The following TACR3 variants were observed in gnomAD, a reference collection of about 807,000 sequenced individuals.
TACR3 encodes tachykinin receptor 3, also known as neuromedin-K receptor.
A neutral mutation model predicts 35.0 loss-of-function variants in TACR3; 34 were observed. The observed-to-expected ratio is 0.97, with a 90% CI of 0.74 to 1.30. The LOEUF is 1.30. Among genes scored for constraint, TACR3 ranks in the 50% most tolerant of loss-of-function variants. The pLI is 0.00. For missense variants in TACR3, 558 were observed against 591.7 expected (o/e 0.94, Z 0.59); for synonymous variants, 233 against 221.1 (o/e 1.05, Z -0.48).
At position 103,605,602 on chromosome 4, in the gene TACR3, G is replaced by A. The variant is rs549882377; in HGVS notation, c.889-13919C>T. ...AGTGATGATGAACATTTTTTCATGT[G>A]TTTTTTGGCTGCATAAATGTCTTCT... On this transcript the variant is annotated intron_variant, in intron 3 of 4. Transcript: ENST00000304883. Among the ~76,000 whole-genome samples the A allele has an allele frequency of 6.9e-3, 1,054 of 151,994 alleles. 4 individuals are homozygous for A. Among genetic ancestry groups the A allele is most frequent in the Admixed American group, 0.011 (162 of 15,254 alleles).
chr4:103,591,102 T>C (rs563615181), intron 4 of TACR3: 5 of 270,302 alleles, frequency 1.8e-5, no homozygotes, highest in East Asian at 9.5e-5. Context: ...CTCCATCTTA[T>C]AGAAATTATT....
intron 1 of TACR3, among the ~76,000 whole-genome samples, chr4:103,687,916 C>T (rs1407719332): frequency 1.3e-5 from 2 of 152,052 alleles, no homozygotes; most frequent in East Asian, 1.9e-4. Context: ...TCATATGGAA[C>T]CAAAAAAGAG....
In TACR3 at chr4:103,586,430, C is replaced by T. The variant is rs1407647769; in HGVS notation, c.*3252G>A. On this transcript the variant is annotated 3_prime_UTR_variant, in exon 5 of 5. Coordinates refer to ENST00000304883, the MANE Select transcript of TACR3 (RefSeq NM_001059.3). ...AGTGTGAGAAATGTTTGTAAGTCTC[C>T]TGCTTTTCTATTTGATGAAATAGTT... The T allele has an allele frequency of 6.6e-6, 1 of 151,922 alleles. No individual in the cohort carries two copies. Among genetic ancestry groups the T allele is most frequent in the Non-Finnish European group, 1.5e-5 (1 of 67,974 alleles). The allele number at this position is 151,922 out of a possible 1,614,324, so 9.4% of individuals were successfully genotyped here. A position where few individuals can be genotyped will look rare whatever the true frequency, so the allele number is the denominator to read the frequency against.
At chr4:103,615,959 T>C (rs1364165809) in intron 3 of TACR3, among the ~76,000 whole-genome samples, 1 of 152,206 alleles carries the variant, frequency 6.6e-6, no homozygotes, top group African/African-American at 2.4e-5. Flanking sequence ...GAAAGAGTAA[T>C]ATCCTCTGCT....
chr4:103,623,184 T>C (rs1724821273), intron 3 of TACR3, among the ~76,000 whole-genome samples: 1 of 152,120 alleles, frequency 6.6e-6, no homozygotes, highest in South Asian at 2.1e-4. Context: ...GAAGAAGATT[T>C]AAAATAAATA....
At chr4:103,633,476 C>T (rs527490592) in intron 3 of TACR3, among the ~76,000 whole-genome samples, 6 of 151,928 alleles carry the variant, frequency 3.9e-5, no homozygotes, top group African/African-American at 1.2e-4. Flanking sequence ...TAAGTAAATT[C>T]TTTAGTGGAG....
At chr4:103,713,555 G>A (rs1013454727) in intron 1 of TACR3, among the ~76,000 whole-genome samples, 6 of 151,526 alleles carry the variant, frequency 4.0e-5, no homozygotes, top group African/African-American at 1.5e-4. Context: ...ACAGCAACAT[G>A]GCACATGTAT....
At chr4:103,636,736 TA>T (rs1467080353) in intron 3 of TACR3, among the ~76,000 whole-genome samples, 1 of 151,802 alleles carries the variant, frequency 6.6e-6, no homozygotes, top group Non-Finnish European at 1.5e-5. Flanking sequence ...ATAGACGCAA[TA>T]AAAAATGATA....
At chr4:103,716,222 TG>T (rs1723087994) in intron 1 of TACR3, among the ~76,000 whole-genome samples, 1 of 130,332 alleles carries the variant, frequency 7.7e-6, no homozygotes, top group Non-Finnish European at 1.5e-5. Context: ...ATCTTGTGTG[TG>T]TGTGTGTGTG....
At chr4:103,661,099 T>C (rs1432122193) in intron 1 of TACR3, among the ~76,000 whole-genome samples, 1 of 152,026 alleles carries the variant, frequency 6.6e-6, no homozygotes, top group African/African-American at 2.4e-5. Context: ...AGATTATAGA[T>C]TTTGAATATA....
intron 1 of TACR3, among the ~76,000 whole-genome samples, chr4:103,675,831 C>T (rs975376056): frequency 1.3e-5 from 2 of 151,896 alleles, no homozygotes; most frequent in Admixed American, 6.6e-5. Flanking sequence ...TGGTGCAATC[C>T]ACACAGGTAT....
intron 1 of TACR3, among the ~76,000 whole-genome samples, chr4:103,698,954 A>T (rs1486718883): frequency 1.3e-5 from 2 of 152,190 alleles, no homozygotes; most frequent in Admixed American, 1.3e-4. Context: ...ATTAAAAATT[A>T]AAAATAAACA....
intron 3 of TACR3, among the ~76,000 whole-genome samples, chr4:103,595,995 G>A (rs547203940): frequency 2.2e-3 from 323 of 149,548 alleles, no homozygotes; most frequent in African/African-American, 7.6e-3. Flanking sequence ...GTGAGAATAT[G>A]TGGTGTTTGG....
chr4:103,660,989 G>T (rs1725829146), intron 1 of TACR3, among the ~76,000 whole-genome samples: 1 of 152,000 alleles, frequency 6.6e-6, no homozygotes, highest in South Asian at 2.1e-4. Context: ...GAAAACTGAG[G>T]CTTAAAAGAT....
chr4:103,589,291 C>T lies in TACR3; in HGVS notation c.*391G>A, dbSNP rs966094979. The T allele has an allele frequency of 6.0e-6, 1 of 167,918 alleles. No individual in the cohort carries two copies. Among genetic ancestry groups the T allele is most frequent in the Admixed American group, 5.7e-5 (1 of 17,656 alleles). The allele number at this position is 167,918 out of a possible 1,614,324, so 10.4% of individuals were successfully genotyped here. On this transcript the variant is annotated 3_prime_UTR_variant, in exon 5 of 5. Transcript: ENST00000304883. ...ACAGATTTTATACAGATTTTGTTTC[C>T]CTTCACTTACAATATTATGTTTTAA...
At chr4:103,615,187 C>T (rs990657213) in intron 3 of TACR3, among the ~76,000 whole-genome samples, 4 of 151,950 alleles carry the variant, frequency 2.6e-5, no homozygotes, top group Non-Finnish European at 4.4e-5. Context: ...TGAGCCACCG[C>T]GCCCGTCCTA....
At chr4:103,594,240 C>T (rs1019316679) in intron 3 of TACR3, among the ~76,000 whole-genome samples, 12 of 150,696 alleles carry the variant, frequency 8.0e-5, no homozygotes, top group Non-Finnish European at 7.4e-5. Context: ...TGCAGTGGTG[C>T]GATCTTGGCT....
At chr4:103,638,664 T>C (rs1226662003) in intron 3 of TACR3, among the ~76,000 whole-genome samples, 2 of 152,044 alleles carry the variant, frequency 1.3e-5, no homozygotes, top group Non-Finnish European at 2.9e-5. Context: ...ACCTACAGAA[T>C]GGGAGAAAAT....
At chr4:103,615,579 T>C (rs1384799564) in intron 3 of TACR3, among the ~76,000 whole-genome samples, 4 of 152,180 alleles carry the variant, frequency 2.6e-5, no homozygotes, top group Non-Finnish European at 4.4e-5. Context: ...ATGATAGATA[T>C]TCCTTGAATA....
Sources: allele counts gnomAD v4.1 joint callset (sites outside exome capture counted in the v4.1 genomes callset), GRCh38; gene constraint gnomAD v4.1.1; transcripts MANE v1.5; gene names NCBI Gene and HGNC (gene_info 2026-07-23, HGNC 2026-07-21).